The following VWA8 variants were observed in gnomAD, a reference collection of about 807,000 sequenced individuals.
VWA8 encodes von Willebrand factor A domain containing 8, also known as von Willebrand factor A domain-containing protein 8.
Under a neutral mutation model 241.5 loss-of-function variants are expected in VWA8, and 221 were observed. The observed-to-expected ratio is 0.91, with a 90% CI of 0.82 to 1.02. The LOEUF (loss-of-function observed/expected upper bound fraction) is 1.02, where lower values mean the gene tolerates loss of function less well. Ranked by LOEUF, VWA8 falls within the 50% of genes least tolerant of loss-of-function variation. The probability of loss-of-function intolerance (pLI) is 0.00; values close to 1 mark genes in which losing one functional copy is unlikely to be tolerated. For missense variants in VWA8, 2,322 were observed against 2,328.7 expected (o/e 1.00, Z 0.06); for synonymous variants, 852 against 827.1 (o/e 1.03, Z -0.52).
intron 2 of VWA8, 129 bp from the exon 3 acceptor site, chr13:41,912,297 A>G (rs1449175825): frequency 1.1e-5 from 7 of 662,072 alleles, no homozygotes; most frequent in Non-Finnish European, 1.5e-5. Context: ...GTGTATTTAT[A>G]AACATATGTA....
intron 2 of VWA8, among the ~76,000 whole-genome samples, chr13:41,922,093 T>C (rs1272110338): frequency 6.6e-6 from 1 of 152,046 alleles, no homozygotes; most frequent in Non-Finnish European, 1.5e-5. Flanking sequence ...GAGATATAGA[T>C]CAATGGAACA....
chr13:41,658,907 TAC>T (rs1664843133), intron 37 of VWA8, among the ~76,000 whole-genome samples: 1 of 152,220 alleles, frequency 6.6e-6, no homozygotes, highest in African/African-American at 2.4e-5. Context: ...TGTATCTTCC[TAC>T]CAGCAAATCC....
chr13:41,733,480 G>A (rs193061690), intron 21 of VWA8, among the ~76,000 whole-genome samples: 1 of 152,088 alleles, frequency 6.6e-6, no homozygotes, highest in Admixed American at 6.5e-5. Flanking sequence ...AGTGTATAAC[G>A]CCGTATCTGG....
chr13:41,858,044 G>T (rs948266318), intron 12 of VWA8, among the ~76,000 whole-genome samples: 1 of 152,066 alleles, frequency 6.6e-6, no homozygotes, highest in Non-Finnish European at 1.5e-5. Flanking sequence ...GGCTCTATTG[G>T]TTCTCAGCCC....
chr13:41,610,019 G>A (rs1829370120), intron 39 of VWA8, among the ~76,000 whole-genome samples: 1 of 152,128 alleles, frequency 6.6e-6, no homozygotes. Flanking sequence ...CATACTTGTG[G>A]CCAGGCACTG....
intron 4 of VWA8, among the ~76,000 whole-genome samples, chr13:41,899,037 C>T (rs956730691): frequency 3.3e-5 from 5 of 152,240 alleles, no homozygotes; most frequent in Non-Finnish European, 7.3e-5. Flanking sequence ...CACAGTGCAG[C>T]GGTGGGCTGA....
At chr13:41,947,957 AAC>A (rs1491490409) in intron 2 of VWA8, among the ~76,000 whole-genome samples, 4,974 of 139,908 alleles carry the variant, frequency 0.036, 1,387 homozygotes, top group South Asian at 0.042. Context: ...AAAAAAACAA[AAC>A]AAAACATTTT....
chr13:41,762,806 T>C (rs760274151), intron 20 of VWA8, among the ~76,000 whole-genome samples: 2 of 152,124 alleles, frequency 1.3e-5, no homozygotes, highest in Non-Finnish European at 2.9e-5. Flanking sequence ...GTTTTGCTTA[T>C]CACTATATCC....
At chr13:41,747,730 G>A (rs1041058763) in intron 21 of VWA8, among the ~76,000 whole-genome samples, 5 of 152,084 alleles carry the variant, frequency 3.3e-5, no homozygotes, top group African/African-American at 7.2e-5. Context: ...TATTGGCTGC[G>A]GGTTTGTCAT....
At chr13:41,580,873 A>G (rs1440898767) in intron 42 of VWA8, among the ~76,000 whole-genome samples, 1 of 152,222 alleles carries the variant, frequency 6.6e-6, no homozygotes, top group Admixed American at 6.5e-5. Context: ...CAAATTCTAT[A>G]TAAACTTAAT....
chr13:41,882,826 G>A (rs1357849989), intron 9 of VWA8, among the ~76,000 whole-genome samples: 2 of 151,992 alleles, frequency 1.3e-5, no homozygotes, highest in Non-Finnish European at 2.9e-5. Context: ...GTGGGGAGAG[G>A]GAGAGGGAGA....
chr13:41,623,356 C>T (rs1213810334), intron 37 of VWA8, among the ~76,000 whole-genome samples: 1 of 152,180 alleles, frequency 6.6e-6, no homozygotes, highest in Admixed American at 6.6e-5. Flanking sequence ...CCTGAAGTCA[C>T]TTGTCTCTAA....
chr13:41,881,673 C>T (rs1355366722), intron 9 of VWA8, among the ~76,000 whole-genome samples: 237 of 148,938 alleles, frequency 1.6e-3, no homozygotes, highest in African/African-American at 5.2e-3. Flanking sequence ...CCAGTAGGGG[C>T]GGCCGGGCAG....
At chr13:41,703,270 A>T (rs750850847) in intron 27 of VWA8, 33 bp downstream of exon 27, 1 of 1,557,974 alleles carries the variant, frequency 6.4e-7, no homozygotes, top group Non-Finnish European at 8.8e-7. Flanking sequence ...TATAAGGTTC[A>T]ATATTTTAAG....
Position 41,608,493 on chromosome 13 carries a change from T to A in VWA8, c.4877+3083A>T, listed in dbSNP as rs370636804. ...TAGTAATCTTTGTGGACTAACTGCA[T>A]TTTGTTGGCACAGTATATTTTTAAA... is the stretch of plus-strand genomic sequence containing the variant. On this transcript the variant is annotated intron_variant, in intron 39 of 44. Transcript: ENST00000379310. 8.5e-5 allele frequency among the ~76,000 whole-genome samples: 13 copies of A among 152,324 alleles called. No homozygotes were observed. The East Asian group carries it at 1.3e-3, about 16-fold the overall frequency.
intron 24 of VWA8, among the ~76,000 whole-genome samples, chr13:41,723,898 A>G (rs2045411857): frequency 2.0e-5 from 3 of 152,194 alleles, no homozygotes; most frequent in African/African-American, 7.2e-5. Context: ...TGATTTTATT[A>G]AAGGAATGAG....
At position 41,886,562 on chromosome 13, in the gene VWA8, CCAT is replaced by C. The variant is rs1566494746; in HGVS notation, c.866+216_866+218del. 2.6e-5 allele frequency among the ~76,000 whole-genome samples: 4 copies of C among 152,174 alleles called. No individual in the cohort carries two copies. In the East Asian group the frequency reaches 7.7e-4, roughly 29 times the overall value. ...TTTTCAAATTATGGCACTTACTATA[CCAT>C]GTTAACCAAAGCTATTCACATATCT... is the stretch of plus-strand genomic sequence containing the variant. On this transcript the variant is annotated intron_variant, in intron 7 of 44. Transcript: ENST00000379310.
At chr13:41,909,658 A>G (rs1010051373) in intron 3 of VWA8, among the ~76,000 whole-genome samples, 4 of 152,194 alleles carry the variant, frequency 2.6e-5, no homozygotes, top group African/African-American at 7.2e-5. Context: ...TAAACTGCAC[A>G]GAGTTACACC....
At chr13:41,853,167 T>G (rs187052701) in intron 12 of VWA8, among the ~76,000 whole-genome samples, 1 of 152,168 alleles carries the variant, frequency 6.6e-6, no homozygotes, top group African/African-American at 2.4e-5. Context: ...GGACTTTCAA[T>G]AGTACATTGA....
Sources: allele counts gnomAD v4.1 joint callset (sites outside exome capture counted in the v4.1 genomes callset), GRCh38; gene constraint gnomAD v4.1.1; transcripts MANE v1.5; gene names NCBI Gene and HGNC (gene_info 2026-07-23, HGNC 2026-07-21).